EPB41L2: variants seen among roughly 807,000 people sequenced by gnomAD.
EPB41L2 encodes band 4.1-like protein 2.
Under a neutral mutation model 113.0 loss-of-function variants are expected in EPB41L2, and 43 were observed. That is an observed-to-expected ratio of 0.38 (90% CI 0.30 to 0.49). The LOEUF (loss-of-function observed/expected upper bound fraction) is 0.49, where lower values mean the gene tolerates loss of function less well. Among genes scored for constraint, EPB41L2 ranks in the 20% least tolerant of loss-of-function variants. The pLI is 0.95. For synonymous variants in EPB41L2, 442 were observed against 436.7 expected, an observed-to-expected ratio of 1.01 and a Z score of -0.15; for missense variants, 1,147 against 1,223.4, an observed-to-expected ratio of 0.94 and a Z score of 0.93.
At chr6:131,039,496 A>G (rs1003630922) in intron 1 of EPB41L2, among the ~76,000 whole-genome samples, 1 of 152,238 alleles carries the variant, frequency 6.6e-6, no homozygotes, top group African/African-American at 2.4e-5. Flanking sequence ...GAGGCCTTAG[A>G]GATCATCTAA....
intron 1 of EPB41L2, among the ~76,000 whole-genome samples, chr6:130,972,545 T>C (rs1777100716): frequency 6.6e-6 from 1 of 150,402 alleles, no homozygotes; most frequent in Non-Finnish European, 1.5e-5. Context: ...ATTTAAATTC[T>C]GGGTTTTTTT....
At chr6:130,951,014 A>G (rs1814722531) in intron 3 of EPB41L2, among the ~76,000 whole-genome samples, 1 of 152,156 alleles carries the variant, frequency 6.6e-6, no homozygotes, top group Non-Finnish European at 1.5e-5. Flanking sequence ...CAGAGTGATC[A>G]TATAAACCTA....
intron 18 of EPB41L2, among the ~76,000 whole-genome samples, chr6:130,862,962 A>G (rs999075966): frequency 6.6e-6 from 1 of 152,190 alleles, no homozygotes; most frequent in African/African-American, 2.4e-5. Context: ...GCTGAGTTAA[A>G]ATCACTTTTA....
chr6:130,926,576 A>G, intron 4 of EPB41L2, 29 bp downstream of exon 4: 1 of 1,466,398 alleles, frequency 6.8e-7, no homozygotes, highest in African/African-American at 1.4e-5. Flanking sequence ...ATGTTCTAAA[A>G]AGATAAAAAT....
chr6:130,944,208 A>ACACAC (rs1811985797), intron 3 of EPB41L2, among the ~76,000 whole-genome samples: 2 of 90,830 alleles, frequency 2.2e-5, no homozygotes, highest in African/African-American at 3.3e-5. Context: ...CACACACACA[A>ACACAC]ATGCCCAAAT....
chr6:131,044,617 C>T (rs1040293447), intron 1 of EPB41L2, among the ~76,000 whole-genome samples: 2 of 152,102 alleles, frequency 1.3e-5, no homozygotes, highest in Non-Finnish European at 2.9e-5. Flanking sequence ...CATCTCCCAC[C>T]CAGTGAATCT....
intron 3 of EPB41L2, among the ~76,000 whole-genome samples, chr6:130,948,688 CA>C (rs903412272): frequency 2.0e-5 from 3 of 149,552 alleles, no homozygotes; most frequent in Non-Finnish European, 4.5e-5. Flanking sequence ...TGTTTAAACG[CA>C]AAAAAAAGGT....
intron 1 of EPB41L2, among the ~76,000 whole-genome samples, chr6:130,977,017 C>T (rs1778341842): frequency 6.6e-6 from 1 of 152,128 alleles, no homozygotes; most frequent in African/African-American, 2.4e-5. Flanking sequence ...AAATGGTCAC[C>T]TCCTTTGGGT....
intron 4 of EPB41L2, among the ~76,000 whole-genome samples, chr6:130,924,418 G>A (rs993425831): frequency 6.7e-6 from 1 of 149,928 alleles, no homozygotes; most frequent in Non-Finnish European, 1.5e-5. Context: ...CGCTCTTGTT[G>A]CCCAGGCTGG....
At position 130,906,684 on chromosome 6, in the gene EPB41L2, G is replaced by C. The variant is rs1449220801; in HGVS notation, c.853+2137C>G. On this transcript the variant is annotated intron_variant, in intron 5 of 19. Transcript: ENST00000337057. ...AATCATTAAGTTGTTGGTTGTCATA[G>C]GTAGCTCAAAAAAGATTAATATTTA... is the stretch of plus-strand genomic sequence containing the variant. Among the ~76,000 whole-genome samples, 4 of 152,206 alleles carry C rather than the reference G, an allele frequency of 2.6e-5. No homozygotes were observed. The East Asian group carries it at 7.7e-4, about 29-fold the overall frequency.
intron 19 of EPB41L2, among the ~76,000 whole-genome samples, chr6:130,849,371 G>A (rs983334629): frequency 6.6e-6 from 1 of 152,186 alleles, no homozygotes; most frequent in African/African-American, 2.4e-5. Context: ...TCTCTAAGCG[G>A]TCAGTTCTGT....
At chr6:130,980,503 G>T (rs562915007) in intron 1 of EPB41L2, among the ~76,000 whole-genome samples, 61 of 150,372 alleles carry the variant, frequency 4.1e-4, no homozygotes, top group African/African-American at 1.4e-3. Context: ...AAAGAGAACA[G>T]TAATGGGAAA....
rs1324396450 is a variant in EPB41L2, at chr6:130,865,552, G to A, written c.2813C>T (p.Thr938Ile). Residue 938 changes from threonine (T) to isoleucine (I), a missense_variant, in exon 17 of 20, where the codon ACC (threonine) becomes ATC (isoleucine). Thr to Ile is a moderately conservative substitution (Grantham distance 89). Transcript: ENST00000337057. Reference protein sequence around the residue: ...ITSESVSTTTTTHITKTVKGG... With the variant: ...ITSESVSTTTITHITKTVKGG... ...TTGCTTTACCTTGGTGATGTGTGTG[G>A]TTGTCGTTGTTGACACGGACTCAGA... The A allele has an allele frequency of 6.2e-7, 1 of 1,613,998 alleles. No individual in the cohort carries two copies. Among genetic ancestry groups the A allele is most frequent in the Non-Finnish European group, 8.5e-7 (1 of 1,180,032 alleles).
chr6:131,011,432 A>C (rs2128725641), intron 1 of EPB41L2, among the ~76,000 whole-genome samples: 1 of 152,370 alleles, frequency 6.6e-6, no homozygotes. Context: ...TCCACTAACA[A>C]GGTGGATATT....
chr6:130,992,572 G>A (rs1331869745), intron 1 of EPB41L2, among the ~76,000 whole-genome samples: 1 of 151,966 alleles, frequency 6.6e-6, no homozygotes, highest in African/African-American at 2.4e-5. Flanking sequence ...TCCTCTCTAT[G>A]GGGACTCGCT....
intron 4 of EPB41L2, among the ~76,000 whole-genome samples, chr6:130,914,425 A>T (rs1800324269): frequency 6.6e-6 from 1 of 152,244 alleles, no homozygotes; most frequent in South Asian, 2.1e-4. Flanking sequence ...GGGTCACTGT[A>T]TTCACAGGCG....
intron 18 of EPB41L2, among the ~76,000 whole-genome samples, chr6:130,859,142 G>C (rs1394295027): frequency 6.6e-6 from 1 of 152,190 alleles, no homozygotes; most frequent in Non-Finnish European, 1.5e-5. Context: ...TTCAGAGGAG[G>C]AAAATAGCTT....
At chr6:130,891,714 C>T (rs923217689) in intron 10 of EPB41L2, among the ~76,000 whole-genome samples, 1 of 152,164 alleles carries the variant, frequency 6.6e-6, no homozygotes, top group Non-Finnish European at 1.5e-5. Context: ...TCCCAATGTG[C>T]TGGGATTACA....
At chr6:130,971,959 T>C (rs1245067283) in intron 1 of EPB41L2, among the ~76,000 whole-genome samples, 3 of 152,210 alleles carry the variant, frequency 2.0e-5, no homozygotes, top group Admixed American at 2.0e-4. Flanking sequence ...TTAACCTAGA[T>C]AGTATAGTTA....
Sources: allele counts gnomAD v4.1 joint callset (sites outside exome capture counted in the v4.1 genomes callset), GRCh38; gene constraint gnomAD v4.1.1; transcripts MANE v1.5; gene names NCBI Gene and HGNC (gene_info 2026-07-23, HGNC 2026-07-21).